The following AUTS2 variants were observed in gnomAD, a reference collection of about 807,000 sequenced individuals.
AUTS2 encodes the protein activator of transcription and developmental regulator AUTS2.
Under a neutral mutation model 112.4 loss-of-function variants are expected in AUTS2, and 17 were observed. That is an observed-to-expected ratio of 0.15 (90% CI 0.10 to 0.23). The LOEUF (loss-of-function observed/expected upper bound fraction) is 0.23. Among genes scored for constraint, AUTS2 ranks in the 10% least tolerant of loss-of-function variants. The pLI is 1.00. For synonymous variants in AUTS2, 751 were observed against 702.7 expected (o/e 1.07, Z -1.09); for missense variants, 1,510 against 1,701.6 (o/e 0.89, Z 1.98).
chr7:69,718,903 T>G (rs1798765433), intron 1 of AUTS2, among the ~76,000 whole-genome samples: 1 of 152,200 alleles, frequency 6.6e-6, no homozygotes, highest in Non-Finnish European at 1.5e-5. Flanking sequence ...TATCACTGCT[T>G]AAAGCCTCAC....
chr7:70,296,518 CT>C (rs1218554333), intron 4 of AUTS2, among the ~76,000 whole-genome samples: 2 of 152,120 alleles, frequency 1.3e-5, no homozygotes, highest in African/African-American at 4.8e-5. Context: ...TGTGTCCTGC[CT>C]TTTTCCCTTC....
At chr7:70,250,978 TAACA>T (rs1283047226) in intron 4 of AUTS2, among the ~76,000 whole-genome samples, 1 of 152,156 alleles carries the variant, frequency 6.6e-6, no homozygotes, top group Non-Finnish European at 1.5e-5. Flanking sequence ...CTTACCCATA[TAACA>T]AACCTGCACA....
intron 4 of AUTS2, among the ~76,000 whole-genome samples, chr7:70,264,037 G>A (rs191966850): frequency 1.1e-4 from 17 of 152,186 alleles, no homozygotes; most frequent in African/African-American, 3.4e-4. Context: ...TACTTGCATT[G>A]TTCCACTAGT....
intron 5 of AUTS2, among the ~76,000 whole-genome samples, chr7:70,466,668 C>T (rs759183675): frequency 1.1e-4 from 16 of 152,180 alleles, no homozygotes; most frequent in Non-Finnish European, 1.2e-4. Context: ...TGTTCACAAT[C>T]TCAAAATACC....
chr7:70,207,354 G>A (rs180740365), intron 4 of AUTS2, among the ~76,000 whole-genome samples: 2 of 152,236 alleles, frequency 1.3e-5, no homozygotes, highest in African/African-American at 4.8e-5. Flanking sequence ...ACCTAGACTT[G>A]TTTGAAAGAA....
chr7:70,606,818 T>C (rs1212292283), intron 5 of AUTS2, among the ~76,000 whole-genome samples: 2 of 147,764 alleles, frequency 1.4e-5, no homozygotes, highest in African/African-American at 5.0e-5. Context: ...GTCGAGATTG[T>C]GCCACTGTAC....
At chr7:70,481,323 G>T (rs539504156) in intron 5 of AUTS2, among the ~76,000 whole-genome samples, 1 of 152,204 alleles carries the variant, frequency 6.6e-6, no homozygotes, top group African/African-American at 2.4e-5. Context: ...TTCATTGAAC[G>T]TCCATGTTCT....
intron 5 of AUTS2, among the ~76,000 whole-genome samples, chr7:70,598,038 A>G (rs1217521896): frequency 6.6e-6 from 1 of 152,200 alleles, no homozygotes; most frequent in African/African-American, 2.4e-5. Flanking sequence ...CATGCGTTTT[A>G]AAGTTTGCAG....
chr7:70,465,337 G>T (rs1244749129), intron 5 of AUTS2, among the ~76,000 whole-genome samples: 2 of 152,186 alleles, frequency 1.3e-5, no homozygotes, highest in African/African-American at 4.8e-5. Flanking sequence ...CCTCTCAGTA[G>T]GAGAGGTTTC....
At chr7:69,922,399 C>T (rs558804979) in intron 2 of AUTS2, among the ~76,000 whole-genome samples, 8 of 152,296 alleles carry the variant, frequency 5.3e-5, no homozygotes, top group East Asian at 1.9e-4. Context: ...ACAGGTAGCA[C>T]GAGATTGACT....
chr7:70,268,283 C>G (rs569828627), intron 4 of AUTS2, among the ~76,000 whole-genome samples: 2 of 152,108 alleles, frequency 1.3e-5, no homozygotes, highest in African/African-American at 4.8e-5. Context: ...TTGACTAAAT[C>G]GACTAGGAGT....
intron 1 of AUTS2, among the ~76,000 whole-genome samples, chr7:69,675,835 C>T (rs747366032): frequency 6.6e-6 from 1 of 152,134 alleles, no homozygotes; most frequent in Non-Finnish European, 1.5e-5. Flanking sequence ...TTTGCACCCA[C>T]AGTCCCATGA....
intron 4 of AUTS2, among the ~76,000 whole-genome samples, chr7:70,432,574 C>T (rs965575082): frequency 9.2e-5 from 14 of 152,302 alleles, no homozygotes; most frequent in East Asian, 1.9e-4. Flanking sequence ...GCTCGCTTTC[C>T]GTCTGGGGTT....
At chr7:70,190,610 G>T (rs1053308061) in intron 4 of AUTS2, among the ~76,000 whole-genome samples, 2 of 152,196 alleles carry the variant, frequency 1.3e-5, no homozygotes, top group Admixed American at 1.3e-4. Flanking sequence ...TTCGGGTAAG[G>T]TGATGGTTCC....
At chr7:70,147,766 T>C (rs945697755) in intron 4 of AUTS2, among the ~76,000 whole-genome samples, 2 of 152,144 alleles carry the variant, frequency 1.3e-5, no homozygotes, top group African/African-American at 4.8e-5. Context: ...TATTATTTGC[T>C]GTCCTAAGGG....
intron 5 of AUTS2, among the ~76,000 whole-genome samples, chr7:70,493,295 C>T (rs1249579042): frequency 6.6e-6 from 1 of 152,186 alleles, no homozygotes; most frequent in African/African-American, 2.4e-5. Context: ...CTGTCTCCAG[C>T]TCTTTGAATA....
chr7:70,752,724 T>C (rs1356337262), intron 6 of AUTS2, among the ~76,000 whole-genome samples: 1 of 152,168 alleles, frequency 6.6e-6, no homozygotes, highest in Non-Finnish European at 1.5e-5. Flanking sequence ...GACCTTGACA[T>C]TGTTGAGTTT....
At chr7:70,525,621 A>G (rs1799809024) in intron 5 of AUTS2, among the ~76,000 whole-genome samples, 1 of 152,206 alleles carries the variant, frequency 6.6e-6, no homozygotes, top group Non-Finnish European at 1.5e-5. Flanking sequence ...AGCAACATTC[A>G]GAGCATGGGA....
At chr7:70,680,364 G>A (rs577552043) in intron 5 of AUTS2, among the ~76,000 whole-genome samples, 2 of 152,282 alleles carry the variant, frequency 1.3e-5, no homozygotes, top group East Asian at 3.9e-4. Context: ...AACTAGTTGG[G>A]ACTGGACCTG....
Sources: allele counts gnomAD v4.1 joint callset (sites outside exome capture counted in the v4.1 genomes callset), GRCh38; gene constraint gnomAD v4.1.1; transcripts MANE v1.5; gene names NCBI Gene and HGNC (gene_info 2026-07-23, HGNC 2026-07-21).